Variants in FAXC observed in about 807,000 individuals in gnomAD.
FAXC encodes the protein failed axon connections homolog.
In FAXC, 10 loss-of-function variants were observed where a neutral mutation model predicts 41.9. The observed-to-expected ratio is 0.24, with a 90% CI of 0.15 to 0.41. The LOEUF is 0.41. Ranked by LOEUF, FAXC falls within the 10% of genes least tolerant of loss-of-function variation. FAXC has a pLI of 1.00. For missense variants in FAXC, 399 were observed against 510.9 expected (o/e 0.78, Z 2.11); for synonymous variants, 183 against 183.8 (o/e 1.00, Z 0.03).
chr6:99,318,304 C>CAAAAA (rs748610778), intron 4 of FAXC, among the ~76,000 whole-genome samples: 21 of 104,032 alleles, frequency 2.0e-4, no homozygotes, highest in African/African-American at 4.3e-4. Flanking sequence ...CACACACACA[C>CAAAAA]ACAAAATAGA....
chr6:99,303,805 C>T (rs9373111), intron 4 of FAXC, among the ~76,000 whole-genome samples: 7,269 of 152,190 alleles, frequency 0.048, 473 homozygotes, highest in East Asian at 0.34. Context: ...GTGCCTGTGC[C>T]ATGGTTGTAA....
At chr6:99,334,337 T>C (rs555785219) in intron 2 of FAXC, among the ~76,000 whole-genome samples, 38 of 152,210 alleles carry the variant, frequency 2.5e-4, no homozygotes, top group Non-Finnish European at 4.9e-4. Context: ...CTGTTAGTCA[T>C]ATTGCCTTTG....
chr6:99,349,217 C>A lies in FAXC; in HGVS notation c.156G>T (p.Gly52=). 6.2e-7 allele frequency: 1 copy of A among 1,613,976 alleles called. No individual in the cohort carries two copies. The highest frequency in any genetic ancestry group is 1.1e-5 in the South Asian group (1 of 91,088). Residue 52 remains glycine (G), a synonymous_variant, in exon 1 of 6, where the codon GGG becomes GGT. Coordinates refer to ENST00000389677, the MANE Select transcript of FAXC (RefSeq NM_032511.4). The part of the protein sequence containing the change: ...IIAFPLQDYG[G]IMAGLGSDPW... Reference sequence around the variant, plus strand: ...GATCGGAGCCCAGCCCTGCCATGATCCCACCGTAATCCTGCAAAGGGAAAG... The same window carrying A: ...GATCGGAGCCCAGCCCTGCCATGATACCACCGTAATCCTGCAAAGGGAAAG...
At chr6:99,337,244 T>G (rs1773247851) in intron 2 of FAXC, among the ~76,000 whole-genome samples, 1 of 138,726 alleles carries the variant, frequency 7.2e-6, no homozygotes, top group South Asian at 2.3e-4. Context: ...TATTCTTTTG[T>G]CTGCAGCTTA....
chr6:99,315,642 C>T (rs1172965836), intron 4 of FAXC, among the ~76,000 whole-genome samples: 1 of 152,220 alleles, frequency 6.6e-6, no homozygotes, highest in Non-Finnish European at 1.5e-5. Context: ...CTGAAAATAA[C>T]ATCGCAGTTT....
intron 3 of FAXC, among the ~76,000 whole-genome samples, chr6:99,327,845 C>T (rs918653363): frequency 3.9e-5 from 6 of 152,134 alleles, no homozygotes; most frequent in African/African-American, 9.7e-5. Flanking sequence ...AGCCAGTCAC[C>T]CTGTGAATTT....
chr6:99,290,881 G>C (rs1231586186), intron 5 of FAXC, among the ~76,000 whole-genome samples: 1 of 149,402 alleles, frequency 6.7e-6, no homozygotes, highest in African/African-American at 2.5e-5. Flanking sequence ...GCACAATCTT[G>C]GCTCACTGCA....
At chr6:99,346,708 G>A (rs1386567119) in intron 1 of FAXC, among the ~76,000 whole-genome samples, 2 of 152,092 alleles carry the variant, frequency 1.3e-5, no homozygotes, top group Non-Finnish European at 2.9e-5. Context: ...GGCCAAAGTA[G>A]GTACTTTCTA....
rs563090110 is a variant in FAXC, at chr6:99,313,348, C to A, written c.823+10096G>T. On this transcript the variant is annotated intron_variant, in intron 4 of 5. Transcript: ENST00000389677. ...GAACATTTTTAATATATTTATTCAT[C>A]ATTTGTATTGTTTTTGTAAATTACC... is the stretch of plus-strand genomic sequence containing the variant. Among the ~76,000 whole-genome samples the A allele has an allele frequency of 2.0e-5, 3 of 152,236 alleles. No homozygotes were observed. The South Asian group carries it at 6.2e-4, about 32-fold the overall frequency.
At chr6:99,323,356 A>G (rs1772660007) in intron 4 of FAXC, 88 bp downstream of exon 4, 11 of 1,189,172 alleles carry the variant, frequency 9.3e-6, no homozygotes, top group Non-Finnish European at 1.3e-5. Context: ...ACCAAAATTA[A>G]AACATAAATT....
chr6:99,306,772 T>C (rs775314252), intron 4 of FAXC, among the ~76,000 whole-genome samples: 9 of 152,210 alleles, frequency 5.9e-5, no homozygotes, highest in Non-Finnish European at 1.3e-4. Flanking sequence ...GCAAGTTACT[T>C]GTTTGTGCCT....
chr6:99,308,933 T>C (rs534098125), intron 4 of FAXC, among the ~76,000 whole-genome samples: 3 of 152,210 alleles, frequency 2.0e-5, no homozygotes, highest in Non-Finnish European at 4.4e-5. Context: ...TAGAAATAAT[T>C]TGTTAGGTTG....
intron 4 of FAXC, among the ~76,000 whole-genome samples, chr6:99,297,674 C>A (rs1481825596): frequency 6.6e-6 from 1 of 151,918 alleles, no homozygotes; most frequent in Non-Finnish European, 1.5e-5. Context: ...GTGATGCTCT[C>A]CAGACCTGGG....
chr6:99,305,806 T>C (rs1312789889), intron 4 of FAXC, among the ~76,000 whole-genome samples: 1 of 151,874 alleles, frequency 6.6e-6, no homozygotes, highest in Non-Finnish European at 1.5e-5. Flanking sequence ...AAGCACACTG[T>C]AAATGCTCCA....
chr6:99,325,145 G>T (rs1425600245), intron 3 of FAXC, among the ~76,000 whole-genome samples: 1 of 151,504 alleles, frequency 6.6e-6, no homozygotes, highest in Non-Finnish European at 1.5e-5. Context: ...TATTTTGAGA[G>T]AGAACTCAAG....
chr6:99,313,980 T>C (rs750241255), intron 4 of FAXC, among the ~76,000 whole-genome samples: 4 of 152,176 alleles, frequency 2.6e-5, no homozygotes, highest in Non-Finnish European at 4.4e-5. Context: ...ATAATGTTTA[T>C]TTGTCCTTTG....
chr6:99,283,802 C>T (rs1307541415), intron 5 of FAXC, among the ~76,000 whole-genome samples: 2 of 152,166 alleles, frequency 1.3e-5, no homozygotes, highest in Non-Finnish European at 2.9e-5. Context: ...AGATGAAATA[C>T]AGTCACTTCA....
At chr6:99,331,164 A>G (rs1773012375) in intron 3 of FAXC, among the ~76,000 whole-genome samples, 1 of 152,124 alleles carries the variant, frequency 6.6e-6, no homozygotes. Context: ...CACCCTCACT[A>G]TTTTTTCCTC....
intron 4 of FAXC, among the ~76,000 whole-genome samples, chr6:99,294,028 CTATA>C (rs1771365330): frequency 6.6e-6 from 1 of 152,078 alleles, no homozygotes; most frequent in Non-Finnish European, 1.5e-5. Context: ...ATCATTTCCC[CTATA>C]TATGCCATAG....
Sources: gnomAD v4.1 joint callset for allele counts (sites outside exome capture counted in the v4.1 genomes callset) on GRCh38, gnomAD v4.1.1 for gene constraint, MANE v1.5 for transcripts, NCBI Gene and HGNC (gene_info 2026-07-23, HGNC 2026-07-21) for gene names.